GALK2: variants seen among roughly 807,000 people sequenced by gnomAD.
GALK2 encodes the protein N-acetylgalactosamine kinase.
GALK2 carries 36 observed loss-of-function variants against 52.4 expected under a neutral mutation model. The ratio of observed to expected loss-of-function variants is 0.69; its 90% CI spans 0.53 to 0.91. The LOEUF is 0.91. GALK2 is among the 40% of genes least tolerant of loss of function. The pLI is 0.00. For missense variants in GALK2, 579 were observed against 559.1 expected (o/e 1.04, Z -0.36); for synonymous variants, 176 against 199.1 (o/e 0.88, Z 0.98).
chr15:49,171,744 T>A (rs1446495632), intron 1 of GALK2, among the ~76,000 whole-genome samples: 1 of 151,718 alleles, frequency 6.6e-6, no homozygotes, highest in South Asian at 2.1e-4. Flanking sequence ...ATTTGTTACA[T>A]GAAAATAACT....
chr15:49,294,184 T>C (rs201204207), intron 8 of GALK2, among the ~76,000 whole-genome samples: 25 of 140,518 alleles, frequency 1.8e-4, no homozygotes, highest in African/African-American at 5.6e-4. Context: ...AATAAATAAA[T>C]AAGCAAGCAA....
At chr15:49,189,845 G>T (rs1471402561) in intron 1 of GALK2, among the ~76,000 whole-genome samples, 2 of 152,120 alleles carry the variant, frequency 1.3e-5, no homozygotes, top group Non-Finnish European at 2.9e-5. Flanking sequence ...AAACTTAGGA[G>T]TTGTTTATTT....
At chr15:49,164,616 A>G (rs2084758447) in intron 1 of GALK2, among the ~76,000 whole-genome samples, 1 of 151,960 alleles carries the variant, frequency 6.6e-6, no homozygotes, top group Non-Finnish European at 1.5e-5. Flanking sequence ...CCCCATCTCT[A>G]CTAATCATAC....
chr15:49,159,330 C>T (rs533750325), intron 1 of GALK2, among the ~76,000 whole-genome samples: 1 of 152,224 alleles, frequency 6.6e-6, no homozygotes, highest in East Asian at 1.9e-4. Flanking sequence ...AATCCCAGCA[C>T]TTTGGGAAGC....
intron 4 of GALK2, 129 bp from the exon 5 acceptor site, chr15:49,239,092 G>A: frequency 1.4e-6 from 1 of 701,526 alleles, no homozygotes. Context: ...AAATTGAATT[G>A]CATAAGTAGT....
chr15:49,290,127 C>G (rs776672031), intron 7 of GALK2, among the ~76,000 whole-genome samples: 2 of 152,230 alleles, frequency 1.3e-5, no homozygotes, highest in African/African-American at 4.8e-5. Flanking sequence ...GGAGGCCAGT[C>G]ACCTGGGCCA....
At chr15:49,172,582 CT>C (rs771090775) in intron 1 of GALK2, among the ~76,000 whole-genome samples, 11 of 152,166 alleles carry the variant, frequency 7.2e-5, no homozygotes, top group Non-Finnish European at 1.3e-4. Context: ...TTGTGGAACT[CT>C]TATTCTTTTT....
chr15:49,225,012 G>T (rs1267083985), intron 3 of GALK2, among the ~76,000 whole-genome samples: 2 of 152,172 alleles, frequency 1.3e-5, no homozygotes, highest in Non-Finnish European at 2.9e-5. Context: ...TCCAGTAAAT[G>T]GTGCTTAAGA....
intron 1 of GALK2, among the ~76,000 whole-genome samples, chr15:49,199,391 A>G (rs902570080): frequency 3.3e-5 from 5 of 152,184 alleles, no homozygotes; most frequent in Admixed American, 2.0e-4. Flanking sequence ...TTGAGGATGT[A>G]TAGAGAAAGA....
chr15:49,278,133 C>A (rs188755551), intron 5 of GALK2, among the ~76,000 whole-genome samples: 11 of 152,096 alleles, frequency 7.2e-5, no homozygotes, highest in Non-Finnish European at 1.5e-4. Flanking sequence ...TGGTGGCGGG[C>A]GCCTGTAGTC....
intron 3 of GALK2, chr15:49,365,450 C>T: frequency 4.4e-6 from 4 of 909,276 alleles, no homozygotes; most frequent in Non-Finnish European, 7.4e-6. Context: ...ACAATAATGT[C>T]TCCAAAGCCC....
chr15:49,314,810 A>G (rs1340077779), intron 8 of GALK2, among the ~76,000 whole-genome samples: 1 of 152,234 alleles, frequency 6.6e-6, no homozygotes, highest in Admixed American at 6.5e-5. Context: ...GGGCTACTCC[A>G]GATTGGAGTT....
At chr15:49,321,275 G>A (rs1472592950) in intron 9 of GALK2, among the ~76,000 whole-genome samples, 4 of 152,144 alleles carry the variant, frequency 2.6e-5, no homozygotes, top group Non-Finnish European at 5.9e-5. Context: ...TGGCTGTCAG[G>A]TGTGAGGCTC....
At chr15:49,319,497 A>G in intron 8 of GALK2, 107 bp from the exon 9 acceptor site, 1 of 850,118 alleles carries the variant, frequency 1.2e-6, no homozygotes, top group East Asian at 2.6e-5. Flanking sequence ...AGTTTAAGAT[A>G]CTGATAATGA....
intron 5 of GALK2, among the ~76,000 whole-genome samples, chr15:49,244,485 T>C (rs910123422): frequency 2.6e-5 from 4 of 152,172 alleles, no homozygotes; most frequent in Non-Finnish European, 5.9e-5. Flanking sequence ...AAAAACAGTA[T>C]TGGAAGATAA....
chr15:49,155,907 C>T, exon 1 of GALK2: 1 of 1,428,428 alleles, frequency 7.0e-7, no homozygotes, highest in East Asian at 2.3e-5. Context: ...GAGCAGTCTC[C>T]TCCCTTGCTT....
intron 3 of GALK2, among the ~76,000 whole-genome samples, chr15:49,344,691 T>A (rs372612890): frequency 6.6e-6 from 1 of 152,222 alleles, no homozygotes. Flanking sequence ...ACAAGAAGTC[T>A]GCAATCTCAG....
intron 3 of GALK2, among the ~76,000 whole-genome samples, chr15:49,364,050 C>T (rs1198321177): frequency 1.3e-5 from 2 of 152,132 alleles, no homozygotes; most frequent in Non-Finnish European, 2.9e-5. Flanking sequence ...CATCTATGTT[C>T]ATCAAGAATA....
At position 49,331,644 on chromosome 15, in the gene GALK2, TTAAG is replaced by T. The variant is rs372935521; in HGVS notation, c.*3489_*3492del. The T allele has an allele frequency of 1.6e-6, 1 of 613,044 alleles. No homozygotes were observed. Among genetic ancestry groups the T allele is most frequent in the South Asian group, 2.1e-5 (1 of 47,680 alleles). 38.0% of individuals were successfully genotyped at this position (613,044 alleles called of 1,614,324 possible). On this transcript the variant is annotated 3_prime_UTR_variant, in exon 10 of 10. Transcript: ENST00000560031. ...TTTTCTTACATGTGCATGTAGATGA[TTAAG>T]TAACAAGAATGTATCCTCTCCTGCC...
Sources: allele counts gnomAD v4.1 joint callset (sites outside exome capture counted in the v4.1 genomes callset), GRCh38; gene constraint gnomAD v4.1.1; transcripts MANE v1.5; gene names NCBI Gene and HGNC (gene_info 2026-07-23, HGNC 2026-07-21).